The following STAM2 variants were observed in gnomAD, a reference collection of about 807,000 sequenced individuals.
STAM2 encodes signal transducing adaptor molecule 2, also known as signal transducing adapter molecule 2.
STAM2 carries 51 observed loss-of-function variants against 65.6 expected under a neutral mutation model. The observed-to-expected ratio is 0.78, with a 90% CI of 0.62 to 0.98. STAM2 has a LOEUF of 0.98. Ranked by LOEUF, STAM2 falls within the 50% of genes least tolerant of loss-of-function variation. The pLI, the probability that STAM2 is intolerant of heterozygous loss-of-function variation, is 0.00. For missense variants in STAM2, 584 were observed against 617.8 expected (o/e 0.95, Z 0.58); for synonymous variants, 198 against 208.4 (o/e 0.95, Z 0.43).
chr2:152,150,728 C>T (rs1226021278), intron 1 of STAM2, among the ~76,000 whole-genome samples: 1 of 152,174 alleles, frequency 6.6e-6, no homozygotes, highest in African/African-American at 2.4e-5. Flanking sequence ...ATTGCTTGAG[C>T]CTATGACCTC....
intron 13 of STAM2, among the ~76,000 whole-genome samples, chr2:152,121,138 A>G (rs1017421772): frequency 6.6e-6 from 1 of 151,798 alleles, no homozygotes; most frequent in African/African-American, 2.4e-5. Flanking sequence ...CCAACTAATT[A>G]AAAAAAAATT....
At chr2:152,156,743 G>C (rs1369061336) in intron 1 of STAM2, among the ~76,000 whole-genome samples, 1 of 152,014 alleles carries the variant, frequency 6.6e-6, no homozygotes. Context: ...AAAGAATCTA[G>C]CTCTACCCAT....
rs143663429 is a variant in STAM2, at chr2:152,150,214, T to C, written c.56A>G (p.Glu19Gly). 8.1e-6 allele frequency: 13 copies of C among 1,612,830 alleles called. No individual in the cohort carries two copies. The highest frequency in any genetic ancestry group is 1.1e-5 in the Non-Finnish European group (13 of 1,179,216). Residue 19 changes from glutamate to glycine, a missense_variant, in exon 2 of 14, where the codon GAG becomes GGG. Transcript: ENST00000263904. ...FEQDVEKATN[E>G]YNTTEDWSLI... ...ACTCCAATCTTCTGTAGTGTTGTAC[T>C]CATTCGTGGCTTTTTCTATAAAATA...
intron 11 of STAM2, among the ~76,000 whole-genome samples, chr2:152,130,082 C>A (rs1689030494): frequency 1.3e-5 from 2 of 152,036 alleles, no homozygotes; most frequent in Non-Finnish European, 2.9e-5. Flanking sequence ...ATAAATACCA[C>A]TAGAAAGGGA....
intron 1 of STAM2, among the ~76,000 whole-genome samples, chr2:152,166,271 C>A (rs536812790): frequency 3.3e-5 from 5 of 152,018 alleles, no homozygotes; most frequent in Non-Finnish European, 7.4e-5. Context: ...AAATTTCTGA[C>A]ATAAAACTGG....
intron 13 of STAM2, among the ~76,000 whole-genome samples, chr2:152,121,450 G>A (rs1450366793): frequency 2.0e-5 from 3 of 152,312 alleles, no homozygotes; most frequent in South Asian, 2.1e-4. Flanking sequence ...CATTTGCAAT[G>A]AGAATGGAGC....
At chr2:152,149,496 C>CTTTT (rs70974823) in intron 2 of STAM2, among the ~76,000 whole-genome samples, 2 of 126,606 alleles carry the variant, frequency 1.6e-5, no homozygotes, top group Non-Finnish European at 3.3e-5. Context: ...ATAGTCTACT[C>CTTTT]TTTTTTTTTT....
intron 6 of STAM2, among the ~76,000 whole-genome samples, chr2:152,144,462 T>C (rs16830747): frequency 0.029 from 4,493 of 152,324 alleles, 214 homozygotes; most frequent in African/African-American, 0.1. Context: ...TGGATGCTAC[T>C]AGTTTTTAGA....
In STAM2 at chr2:152,123,859, C is replaced by A. The variant is rs1299414217; in HGVS notation, c.1256G>T (p.Ser419Ile). Residue 419 changes from serine to isoleucine, a missense_variant, in exon 13 of 14, where the codon AGC (serine) becomes ATC (isoleucine). Physicochemically the swap from Ser to Ile is moderately radical, Grantham distance 142. Transcript: ENST00000263904. ...TGGACCAATTTGATCGGGTCCTAGG[C>A]TATAGCTTTGGGCAACAGTTACTTG... is the stretch of plus-strand genomic sequence containing the variant. ...IHQVTVAQSYSLGPDQIGPLR... is the reference protein window; with the variant it reads ...IHQVTVAQSYILGPDQIGPLR... 1 of 1,614,096 alleles carries A rather than the reference C, an allele frequency of 6.2e-7. No individual in the cohort carries two copies. The highest frequency in any genetic ancestry group is 1.3e-5 in the African/African-American group (1 of 75,018).
intron 5 of STAM2, 32 bp from the exon 6 acceptor site, chr2:152,144,989 A>G (rs1689312880): frequency 1.3e-6 from 2 of 1,527,930 alleles, no homozygotes; most frequent in Middle Eastern, 1.7e-4. Flanking sequence ...GAACACAACT[A>G]TCTTTTCAAA....
rs767977473 is a variant in STAM2 at position 152,148,037 on chromosome 2, A to G, written c.287T>C (p.Val96Ala). The G allele has an allele frequency of 2.5e-6, 4 of 1,602,596 alleles. No homozygotes were observed. In the Admixed American group the frequency reaches 6.8e-5, roughly 27 times the overall value. Residue 96 changes from valine to alanine, a missense_variant, in exon 4 of 14, where the codon GTG (valine) becomes GCG (alanine). Transcript: ENST00000263904. ...TTTAAAATTTACCTTATTTTTAATC[A>G]CAGCACGTACTTCTGTTGCAAAATC... ...SRDFATEVRA[V>A]IKNKAHPKVC...
At chr2:152,139,942 A>G (rs1030987764) in intron 7 of STAM2, among the ~76,000 whole-genome samples, 3 of 152,232 alleles carry the variant, frequency 2.0e-5, no homozygotes, top group Non-Finnish European at 4.4e-5. Context: ...TTATCTAGAG[A>G]TAATTTAAAG....
chr2:152,126,516 C>T (rs572409205), intron 11 of STAM2, 137 bp from the exon 12 acceptor site: 1 of 494,192 alleles, frequency 2.0e-6, no homozygotes, highest in African/African-American at 2.0e-5. Context: ...AGAATATTCA[C>T]AAAGGGAAAC....
intron 1 of STAM2, among the ~76,000 whole-genome samples, chr2:152,170,787 G>A (rs1292521752): frequency 6.6e-6 from 1 of 152,208 alleles, no homozygotes; most frequent in Non-Finnish European, 1.5e-5. Context: ...CCTAAGGTCA[G>A]GAGTTCGAAA....
chr2:152,120,607 C>A lies in STAM2; in HGVS notation c.1545G>T (p.Gln515His). 1 of 1,614,034 alleles carries A rather than the reference C, an allele frequency of 6.2e-7. No individual in the cohort carries two copies. Among genetic ancestry groups the A allele is most frequent in the Non-Finnish European group, 8.5e-7 (1 of 1,179,996 alleles). ...VTVPAHPVAQ[Q>H]HTNYHQQPLL ...GAGGCTGCTGATGGTAATTTGTGTGCTGCTGTGCAACTGGATGAGCTGGAA... is the reference window on the plus strand; with the variant it reads ...GAGGCTGCTGATGGTAATTTGTGTGATGCTGTGCAACTGGATGAGCTGGAA... Residue 515 changes from glutamine (Q) to histidine (H), a missense_variant, in exon 14 of 14, where the codon CAG becomes CAT. Transcript: ENST00000263904.
intron 1 of STAM2, among the ~76,000 whole-genome samples, chr2:152,158,884 C>T (rs896517959): frequency 6.6e-6 from 1 of 151,606 alleles, no homozygotes; most frequent in African/African-American, 2.4e-5. Flanking sequence ...ACTCTCATGA[C>T]GTAAACACTT....
chr2:152,126,179 T>G, intron 12 of STAM2, 47 bp downstream of exon 12: 1 of 1,488,410 alleles, frequency 6.7e-7, no homozygotes, highest in Non-Finnish European at 9.0e-7. Context: ...CTTTTACTTT[T>G]AAAAGTTGTT....
intron 1 of STAM2, among the ~76,000 whole-genome samples, chr2:152,166,776 T>G (rs779349683): frequency 1.3e-5 from 2 of 152,220 alleles, no homozygotes; most frequent in African/African-American, 2.4e-5. Flanking sequence ...AGCAGATCTT[T>G]TTTTAGAAGA....
intron 4 of STAM2, 129 bp from the exon 5 acceptor site, chr2:152,147,437 T>G (rs1371351221): frequency 2.2e-6 from 2 of 899,688 alleles, no homozygotes; most frequent in Non-Finnish European, 3.2e-6. Flanking sequence ...GTCCTGAAAT[T>G]TCTAGCCTAG....
Sources: allele counts gnomAD v4.1 joint callset (sites outside exome capture counted in the v4.1 genomes callset), GRCh38; gene constraint gnomAD v4.1.1; transcripts MANE v1.5; gene names NCBI Gene and HGNC (gene_info 2026-07-23, HGNC 2026-07-21).